VTI1A: variants seen among roughly 807,000 people sequenced by gnomAD.
VTI1A encodes vesicle transport through interaction with t-SNAREs homolog 1A.
In VTI1A, 22 loss-of-function variants were observed where a neutral mutation model predicts 34.9. The observed-to-expected ratio is 0.63, with a 90% CI of 0.45 to 0.90. The LOEUF is 0.90. VTI1A is among the 40% of genes least tolerant of loss of function. The pLI is 0.00. For missense variants in VTI1A, 268 were observed against 275.6 expected (o/e 0.97, Z 0.20); for synonymous variants, 87 against 97.3 (o/e 0.89, Z 0.62).
intron 5 of VTI1A, among the ~76,000 whole-genome samples, chr10:112,635,120 T>C (rs937291650): frequency 1.3e-5 from 2 of 152,270 alleles, no homozygotes; most frequent in South Asian, 2.1e-4. Flanking sequence ...CCTTTATTCA[T>C]AATATGAGCC....
chr10:112,668,004 A>C (rs145550749), intron 5 of VTI1A, among the ~76,000 whole-genome samples: 1 of 152,144 alleles, frequency 6.6e-6, no homozygotes, highest in South Asian at 2.1e-4. Flanking sequence ...CATGTTGGTT[A>C]TGTTCTATAG....
At chr10:112,826,401 A>T in the VTI1A span, 1 of 152,228 alleles carries the variant, frequency 6.6e-6, no homozygotes, top group African/African-American at 2.4e-5. Flanking sequence ...TATTCCTCTC[A>T]CTAGGTGCTC....
intron 3 of VTI1A, among the ~76,000 whole-genome samples, chr10:112,473,251 G>A (rs182933290): frequency 1.4e-3 from 220 of 151,914 alleles, no homozygotes; most frequent in Non-Finnish European, 2.1e-3. Context: ...TAGGACTACC[G>A]GAGCGCGCCA....
intron 7 of VTI1A, among the ~76,000 whole-genome samples, chr10:112,688,843 A>G: frequency 6.6e-6 from 1 of 152,100 alleles, no homozygotes; most frequent in South Asian, 2.1e-4. Context: ...CTGGCCTACT[A>G]ATGCCAATTT....
rs1457782494 is a variant in VTI1A, at chr10:112,767,774, A to C, written c.561-47516A>C. Reference sequence around the variant, plus strand: ...TTAAAATTGTTTGAAGACCAATGGGACATGTAACTAACTTATTTTAAACAC... The same window carrying C: ...TTAAAATTGTTTGAAGACCAATGGGCCATGTAACTAACTTATTTTAAACAC... On this transcript the variant is annotated intron_variant, in intron 7 of 7. Coordinates refer to ENST00000393077, the MANE Select transcript of VTI1A (RefSeq NM_145206.4). The surrounding 1 kb of genome is among the most constrained non-coding windows in gnomAD (Gnocchi z 4.0). Among the ~76,000 whole-genome samples, 1 of 152,002 alleles carries C rather than the reference A, an allele frequency of 6.6e-6. No individual in the cohort carries two copies. The highest frequency in any genetic ancestry group is 1.5e-5 in the Non-Finnish European group (1 of 68,002).
chr10:112,458,717 A>G (rs1353999580), intron 1 of VTI1A, among the ~76,000 whole-genome samples: 1 of 151,538 alleles, frequency 6.6e-6, no homozygotes, highest in African/African-American at 2.4e-5. Context: ...CCCAGGCTGG[A>G]ACGCAATGGT....
At chr10:112,545,975 C>T (rs1278336470) in intron 5 of VTI1A, among the ~76,000 whole-genome samples, 4 of 137,682 alleles carry the variant, frequency 2.9e-5, no homozygotes, top group South Asian at 2.2e-4. Flanking sequence ...CGTGTATACA[C>T]GTATGTGTGT....
intron 3 of VTI1A, among the ~76,000 whole-genome samples, chr10:112,526,217 A>G (rs1471764055): frequency 2.6e-5 from 4 of 152,324 alleles, no homozygotes; most frequent in Admixed American, 6.5e-5. Flanking sequence ...ATGTGTATAC[A>G]TTTAGATAAT....
chr10:112,803,071 A>G (rs1368674370), intron 7 of VTI1A, among the ~76,000 whole-genome samples: 3 of 151,866 alleles, frequency 2.0e-5, no homozygotes, highest in African/African-American at 4.8e-5. Flanking sequence ...ATTTTATTTT[A>G]TTTTTTTATT....
chr10:112,678,438 A>C (rs920983994), intron 7 of VTI1A, among the ~76,000 whole-genome samples: 1 of 152,200 alleles, frequency 6.6e-6, no homozygotes, highest in Non-Finnish European at 1.5e-5. Context: ...ACAACATTTT[A>C]TAATTCCAGG....
At chr10:112,567,156 A>G (rs1047835816) in intron 5 of VTI1A, among the ~76,000 whole-genome samples, 16 of 151,932 alleles carry the variant, frequency 1.1e-4, no homozygotes, top group Non-Finnish European at 2.9e-5. Context: ...CAGCCTCCCA[A>G]GTAGCTGGAA....
At chr10:112,820,830 C>T (rs961765699), downstream of VTI1A, among the ~76,000 whole-genome samples, 3 of 151,966 alleles carry the variant, frequency 2.0e-5, no homozygotes, top group South Asian at 2.1e-4. Flanking sequence ...GGATGGGGCA[C>T]GATATGTTGG....
At chr10:112,787,698 CTTTTTTT>C (rs34862909) in intron 7 of VTI1A, among the ~76,000 whole-genome samples, 12 of 103,248 alleles carry the variant, frequency 1.2e-4, no homozygotes, top group Non-Finnish European at 5.7e-5. Flanking sequence ...TTTTTCTTTT[CTTTTTTT>C]TTTTTTTTTT....
chr10:112,794,017 C>A (rs1284924611), intron 7 of VTI1A, among the ~76,000 whole-genome samples: 3 of 152,132 alleles, frequency 2.0e-5, no homozygotes, highest in Non-Finnish European at 2.9e-5. Flanking sequence ...TTTTTAAGTT[C>A]TAAATGTATT....
chr10:112,500,582 C>T (rs1849198072), intron 3 of VTI1A, among the ~76,000 whole-genome samples: 1 of 152,152 alleles, frequency 6.6e-6, no homozygotes, highest in South Asian at 2.1e-4. Flanking sequence ...AGCTAAGTGG[C>T]TTTCCACTGG....
intron 5 of VTI1A, chr10:112,548,853 T>G: frequency 6.8e-7 from 1 of 1,467,170 alleles, no homozygotes; most frequent in South Asian, 1.2e-5. Flanking sequence ...CTTCCAGCTT[T>G]TTACCGGAAC....
intron 7 of VTI1A, among the ~76,000 whole-genome samples, chr10:112,731,822 T>A (rs1028891704): frequency 6.6e-6 from 1 of 152,224 alleles, no homozygotes; most frequent in Non-Finnish European, 1.5e-5. Flanking sequence ...CCTTTATCTT[T>A]GCAGGTAGCT....
In VTI1A at chr10:112,602,295, A is replaced by T. The variant is rs17129879; in HGVS notation, c.427+63965A>T. Among the ~76,000 whole-genome samples the T allele has an allele frequency of 7.3e-3, 1,116 of 152,156 alleles. 8 individuals carry two copies. The highest frequency in any genetic ancestry group is 0.014 in the Middle Eastern group (4 of 294). On this transcript the variant is annotated intron_variant, in intron 5 of 7. Coordinates refer to ENST00000393077, the MANE Select transcript of VTI1A (RefSeq NM_145206.4). Reference sequence around the variant, plus strand: ...TACTGTTTATTGAGCGAATGAAAAAATTTTTTTTATCAAATCTTTTGCTTA... The same window carrying T: ...TACTGTTTATTGAGCGAATGAAAAATTTTTTTTTATCAAATCTTTTGCTTA...
intron 4 of VTI1A, chr10:112,527,475 A>G (rs1306951293): frequency 3.1e-5 from 6 of 195,826 alleles, no homozygotes; most frequent in African/African-American, 1.4e-4. Flanking sequence ...TTCACCTCAA[A>G]CACATGTAAA....
Sources: gnomAD v4.1 joint callset for allele counts (sites outside exome capture counted in the v4.1 genomes callset) on GRCh38, gnomAD v4.1.1 for gene constraint, Gnocchi (gnomAD v3.1) non-coding constraint, MANE v1.5 for transcripts, NCBI Gene and HGNC (gene_info 2026-07-23, HGNC 2026-07-21) for gene names.